Variants in BCAS3 observed in about 807,000 individuals in gnomAD.
The protein encoded by BCAS3 is BCAS3 microtubule associated cell migration factor, also known as BCAS4/BCAS3 fusion.
In BCAS3, 53 loss-of-function variants were observed where a neutral mutation model predicts 116.1. That is an observed-to-expected ratio of 0.46 (90% CI 0.37 to 0.57). The LOEUF is 0.57. Ranked by LOEUF, BCAS3 falls within the 20% of genes least tolerant of loss-of-function variation. BCAS3 has a pLI of 0.00. For missense variants in BCAS3, 917 were observed against 1,165.4 expected (o/e 0.79, Z 3.10); for synonymous variants, 391 against 408.2 (o/e 0.96, Z 0.51).
At chr17:60,889,125 C>G (rs967056282) in intron 9 of BCAS3, among the ~76,000 whole-genome samples, 4 of 152,142 alleles carry the variant, frequency 2.6e-5, no homozygotes, top group Non-Finnish European at 5.9e-5. Context: ...GAACTGCAAG[C>G]AAGAAGAATG....
At chr17:60,754,751 C>G (rs528281995) in intron 6 of BCAS3, among the ~76,000 whole-genome samples, 1 of 148,070 alleles carries the variant, frequency 6.8e-6, no homozygotes, top group Admixed American at 6.7e-5. Flanking sequence ...AGAGTCTGTT[C>G]AGCCGAAACA....
chr17:61,252,260 T>A (rs1193029606), intron 22 of BCAS3, among the ~76,000 whole-genome samples: 1 of 152,172 alleles, frequency 6.6e-6, no homozygotes, highest in Non-Finnish European at 1.5e-5. Flanking sequence ...TAAGAGCGCT[T>A]GTAAAGGAAA....
intron 9 of BCAS3, among the ~76,000 whole-genome samples, chr17:60,876,775 TTCTA>T (rs549469413): frequency 2.0e-5 from 3 of 152,280 alleles, no homozygotes; most frequent in South Asian, 2.1e-4. Context: ...TGTATACATT[TTCTA>T]TCTGTTTGCC....
intron 7 of BCAS3, among the ~76,000 whole-genome samples, chr17:60,855,164 G>T (rs1187019735): frequency 6.6e-6 from 1 of 150,886 alleles, no homozygotes; most frequent in East Asian, 2.0e-4. Context: ...TGGTCAGGTT[G>T]GTCTCGAACT....
At chr17:60,988,981 T>C (rs1199226347) in intron 14 of BCAS3, among the ~76,000 whole-genome samples, 1 of 152,062 alleles carries the variant, frequency 6.6e-6, no homozygotes, top group Non-Finnish European at 1.5e-5. Context: ...AGATTGTTTA[T>C]TTGAAGTTTT....
At chr17:60,683,874 AAAC>A (rs1350277303) in intron 2 of BCAS3, 105 bp from the exon 3 acceptor site, 25 of 994,702 alleles carry the variant, frequency 2.5e-5, no homozygotes, top group South Asian at 1.9e-4. Flanking sequence ...CCCAAAAAAC[AAAC>A]AACAACAAAA....
At chr17:61,290,948 T>TC (rs532722520) in intron 22 of BCAS3, among the ~76,000 whole-genome samples, 114 of 152,034 alleles carry the variant, frequency 7.5e-4, no homozygotes, top group African/African-American at 2.3e-3. Flanking sequence ...GCCCGGCTAA[T>TC]TTTTTGTATT....
chr17:60,814,304 T>TGTGCGCGC (rs1192245020), intron 7 of BCAS3, among the ~76,000 whole-genome samples: 1 of 136,704 alleles, frequency 7.3e-6, no homozygotes, highest in Non-Finnish European at 1.6e-5. Flanking sequence ...TGTGTGTGTG[T>TGTGCGCGC]GTGCGCGCGT....
intron 22 of BCAS3, among the ~76,000 whole-genome samples, chr17:61,301,601 C>T (rs1220726970): frequency 6.6e-6 from 1 of 152,164 alleles, no homozygotes; most frequent in African/African-American, 2.4e-5. Context: ...TGCACCATTG[C>T]AGCCGGATGA....
intron 9 of BCAS3, chr17:60,887,306 CGCACG>C (rs2056768997): frequency 6.8e-6 from 1 of 147,206 alleles, no homozygotes; most frequent in African/African-American, 2.7e-5. Context: ...CTTCGGCTCG[CGCACG>C]GTGCACGGTG....
chr17:61,331,595 C>T (rs1296261059), intron 22 of BCAS3, among the ~76,000 whole-genome samples: 1 of 152,062 alleles, frequency 6.6e-6, no homozygotes, highest in Non-Finnish European at 1.5e-5. Context: ...GAGTTCAAGA[C>T]CCCCCTGGAC....
chr17:61,305,982 A>C (rs1351985093), intron 22 of BCAS3, among the ~76,000 whole-genome samples: 1 of 152,166 alleles, frequency 6.6e-6, no homozygotes, highest in Non-Finnish European at 1.5e-5. Flanking sequence ...GAAACAAGAG[A>C]TAATCCTGTG....
At chr17:61,153,715 A>AT (rs113729378) in intron 22 of BCAS3, among the ~76,000 whole-genome samples, 13 of 151,668 alleles carry the variant, frequency 8.6e-5, no homozygotes, top group Admixed American at 4.6e-4. Flanking sequence ...ATCATGTATC[A>AT]TTTTTTTTCT....
At chr17:61,030,441 T>G (rs1055021865) in intron 16 of BCAS3, among the ~76,000 whole-genome samples, 1 of 152,128 alleles carries the variant, frequency 6.6e-6, no homozygotes, top group Non-Finnish European at 1.5e-5. Context: ...AAATTCAATA[T>G]ATTGACCTGG....
intron 22 of BCAS3, among the ~76,000 whole-genome samples, chr17:61,201,881 A>G (rs1389835531): frequency 7.0e-6 from 1 of 143,786 alleles, no homozygotes; most frequent in Non-Finnish European, 1.5e-5. Context: ...GCCTCAGCCT[A>G]CTAAGTAGCT....
In BCAS3 at chr17:60,962,887, T is replaced by A. The variant is rs1443182379; in HGVS notation, c.1221+15535T>A. Among the ~76,000 whole-genome samples the A allele has an allele frequency of 6.6e-6, 1 of 152,232 alleles. No homozygotes were observed. The highest frequency in any genetic ancestry group is 2.4e-5 in the African/African-American group (1 of 41,470). On this transcript the variant is annotated intron_variant, in intron 14 of 23. Transcript: ENST00000407086. This position sits in a 1 kb window ranked among gnomAD's most constrained non-coding sequence, Gnocchi z 4.4. ...CATAGTTTGAGGTCTTAGATTTACG[T>A]CTTTAATCGATTTTGATTTGATTTT... is the stretch of plus-strand genomic sequence containing the variant.
chr17:61,390,468 C>T lies in BCAS3; in HGVS notation c.2594-1509C>T, dbSNP rs1041333873. ...GGTCCCTGTCCACAGTCCCATCCCCCTACTTTCCCCAATTTGCCAAGAAGC... is the reference window on the plus strand; with the variant it reads ...GGTCCCTGTCCACAGTCCCATCCCCTTACTTTCCCCAATTTGCCAAGAAGC... On this transcript the variant is annotated intron_variant, in intron 23 of 23. Coordinates refer to ENST00000407086, the MANE Select transcript of BCAS3 (RefSeq NM_017679.5). This position sits in a 1 kb window ranked among gnomAD's most constrained non-coding sequence, Gnocchi z 6.8. 1 of 152,334 alleles carries T rather than the reference C, an allele frequency of 6.6e-6. No individual in the cohort carries two copies. The highest frequency in any genetic ancestry group is 1.5e-5 in the Non-Finnish European group (1 of 68,150). The allele number at this position is 152,334 out of a possible 1,614,324, so 9.4% of individuals were successfully genotyped here.
intron 6 of BCAS3, among the ~76,000 whole-genome samples, chr17:60,802,293 A>AT (rs1555724540): frequency 9.6e-4 from 130 of 135,796 alleles, no homozygotes; most frequent in Admixed American, 6.2e-3. Context: ...CAAAAAAAAA[A>AT]AAATATATAT....
rs1241629551 is a variant in BCAS3 at position 61,265,174 on chromosome 17, G to A, written c.2426-103153G>A. ...CATGTCTGTAATCCCAGCACTTTGG[G>A]AGCCTGAGGCAGGCAGATCACCTGA... On this transcript the variant is annotated intron_variant, in intron 22 of 23. Coordinates refer to ENST00000407086, the MANE Select transcript of BCAS3 (RefSeq NM_017679.5). This position sits in a 1 kb window ranked among gnomAD's most constrained non-coding sequence, Gnocchi z 4.3. Among the ~76,000 whole-genome samples, 3 of 152,118 alleles carry A rather than the reference G, an allele frequency of 2.0e-5. No individual in the cohort carries two copies. The highest frequency in any genetic ancestry group is 4.4e-5 in the Non-Finnish European group (3 of 68,022).
Sources: allele counts gnomAD v4.1 joint callset (sites outside exome capture counted in the v4.1 genomes callset), GRCh38; gene constraint gnomAD v4.1.1; non-coding constraint Gnocchi (gnomAD v3.1); transcripts MANE v1.5; gene names NCBI Gene and HGNC (gene_info 2026-07-23, HGNC 2026-07-21).